SLC29A4: variants seen among roughly 807,000 people sequenced by gnomAD.
SLC29A4 encodes solute carrier family 29 member 4.
SLC29A4 carries 36 observed loss-of-function variants against 43.9 expected under a neutral mutation model. The observed-to-expected ratio is 0.82, with a 90% confidence interval of 0.63 to 1.08. The LOEUF (loss-of-function observed/expected upper bound fraction) is 1.08, where lower values mean the gene tolerates loss of function less well. SLC29A4 is among the 50% of genes least tolerant of loss of function. The pLI, the probability that SLC29A4 is intolerant of heterozygous loss-of-function variation, is 0.00. For missense variants in SLC29A4, 869 were observed against 755.3 expected (o/e 1.15, Z -1.77); for synonymous variants, 491 against 338.0 (o/e 1.45, Z -4.97).
In SLC29A4 at chr7:5,291,132, A is replaced by G. The variant is rs549204893; in HGVS notation, c.310A>G (p.Ile104Val). 9.3e-6 allele frequency: 15 copies of G among 1,613,714 alleles called. No homozygotes were observed. In the South Asian group the frequency reaches 1.3e-4, roughly 14 times the overall value. ...TCTCTGGCCCTCTGCAGGGACCTCC[A>G]TCGTGTTTGACATGAGCCTCACCTA... ...YLHHKYPGTSIVFDMSLTYIL... is the reference protein window; with the variant it reads ...YLHHKYPGTSVVFDMSLTYIL... Residue 104 changes from isoleucine (I) to valine (V), a missense_variant, in exon 4 of 11, where the codon ATC becomes GTC. By Grantham distance (29) the Ile-to-Val change is conservative. Coordinates refer to ENST00000396872, the MANE Select transcript of SLC29A4 (RefSeq NM_153247.4).
At chr7:5,284,037 C>CT (rs1002616436) in intron 1 of SLC29A4, among the ~76,000 whole-genome samples, 4 of 101,162 alleles carry the variant, frequency 4.0e-5, no homozygotes, top group African/African-American at 6.7e-5. Context: ...GCACGACCCC[C>CT]CCCCCCACCC....
At chr7:5,297,527 A>G (rs1357845601) in intron 7 of SLC29A4, among the ~76,000 whole-genome samples, 4 of 152,090 alleles carry the variant, frequency 2.6e-5, no homozygotes, top group African/African-American at 9.7e-5. Flanking sequence ...TAAAGTTTCC[A>G]TCCCTGGGAC....
At position 5,299,141 on chromosome 7, in the gene SLC29A4, T is replaced by A; in HGVS notation, c.1021+15T>A. 1 of 1,603,168 alleles carries A rather than the reference T, an allele frequency of 6.2e-7. No individual in the cohort carries two copies. The highest frequency in any genetic ancestry group is 8.5e-7 in the Non-Finnish European group (1 of 1,173,990). ...CACCTTCAGAGGTGAGTGCGGGGAG[T>A]CCTCTGCTGCCCTGGCTCTGGCACC... On this transcript the variant is annotated intron_variant, in intron 8 of 10. Transcript: ENST00000396872.
At position 5,300,542 on chromosome 7, in the gene SLC29A4, C is replaced by T. The variant is rs746420671; in HGVS notation, c.1330C>T (p.Arg444Cys). The change falls in exon 10 of 11, where the codon CGT (arginine) becomes TGT (cysteine). Residue 444 changes from arginine to cysteine, a missense_variant. Coordinates refer to ENST00000396872, the MANE Select transcript of SLC29A4 (RefSeq NM_153247.4). ...CVYPSGMPALRHPAWPCIFSL... is the reference protein window; with the variant it reads ...CVYPSGMPALCHPAWPCIFSL... ...CTACCCCAGCGGCATGCCCGCCCTC[C>T]GTCACCCCGCCTGGCCCTGCATCTT... 4.3e-6 allele frequency: 7 copies of T among 1,612,254 alleles called. No individual in the cohort carries two copies. The highest frequency in any genetic ancestry group is 2.2e-5 in the East Asian group (1 of 44,892).
intron 6 of SLC29A4, among the ~76,000 whole-genome samples, chr7:5,296,434 T>C (rs1030342508): frequency 9.5e-5 from 14 of 147,280 alleles, no homozygotes; most frequent in African/African-American, 1.3e-4. Context: ...GCAGCTCCTC[T>C]TGTGGCTGGG....
In SLC29A4 at chr7:5,291,678, C is replaced by T. The variant is rs1335153467; in HGVS notation, c.416-15C>T. 3.8e-6 allele frequency: 6 copies of T among 1,591,462 alleles called. No individual in the cohort carries two copies. Among genetic ancestry groups the T allele is most frequent in the Middle Eastern group, 2.3e-4 (1 of 4,346 alleles). On this transcript the variant is annotated splice_polypyrimidine_tract_variant and intron_variant, in intron 4 of 10. Transcript: ENST00000396872. ...TTGGCTCCACCACTCCCCTCACTAG[C>T]CTCTCCCCCAACAGGCTACCTCTTA...
In SLC29A4 at chr7:5,306,614, G is replaced by T. The variant is rs1480930969; in HGVS notation, c.*3675G>T. The T allele has an allele frequency of 2.0e-5, 3 of 152,116 alleles. No homozygotes were observed. In the East Asian group the frequency reaches 5.8e-4, roughly 29 times the overall value. 9.4% of individuals were successfully genotyped at this position (152,116 alleles called of 1,614,324 possible). On this transcript the variant is annotated 3_prime_UTR_variant, in exon 11 of 11. Coordinates refer to ENST00000396872, the MANE Select transcript of SLC29A4 (RefSeq NM_153247.4). ...CTCCCAAAGTGCTGGCATTACAGGC[G>T]TGAGCCACTGTGCCCAGCCGATGAG...
At chr7:5,285,769 T>C (rs1325419066) in intron 1 of SLC29A4, among the ~76,000 whole-genome samples, 3 of 152,144 alleles carry the variant, frequency 2.0e-5, no homozygotes, top group Non-Finnish European at 2.9e-5. Flanking sequence ...CCCAGCACTT[T>C]GGGAGGCCAA....
intron 8 of SLC29A4, 44 bp from the exon 9 acceptor site, chr7:5,299,196 G>A: frequency 6.3e-7 from 1 of 1,598,848 alleles, no homozygotes; most frequent in Non-Finnish European, 8.5e-7. Flanking sequence ...GCAGGCAGGG[G>A]TCCCCGTGGG....
At chr7:5,293,589 C>A (rs373197585) in intron 5 of SLC29A4, among the ~76,000 whole-genome samples, 3 of 152,274 alleles carry the variant, frequency 2.0e-5, no homozygotes, top group South Asian at 4.1e-4. Flanking sequence ...CCTTCGTGAA[C>A]TAATACTCCC....
At chr7:5,283,769 C>T (rs191568694) in intron 1 of SLC29A4, among the ~76,000 whole-genome samples, 61 of 152,302 alleles carry the variant, frequency 4.0e-4, no homozygotes, top group African/African-American at 1.4e-3. Context: ...TAACGGGGAC[C>T]AGGGGTGTAC....
chr7:5,303,242 C>G lies in SLC29A4; in HGVS notation c.*303C>G. On this transcript the variant is annotated 3_prime_UTR_variant, in exon 11 of 11. Coordinates refer to ENST00000396872, the MANE Select transcript of SLC29A4 (RefSeq NM_153247.4). Reference sequence around the variant, plus strand: ...GGCCCCGGCTCCAGCCCAGCCAGCACTCTGCAGGGTCACACGCACCGTGTC... The same window carrying G: ...GGCCCCGGCTCCAGCCCAGCCAGCAGTCTGCAGGGTCACACGCACCGTGTC... 2.0e-6 allele frequency: 1 copy of G among 494,440 alleles called. No homozygotes were observed. The highest frequency in any genetic ancestry group is 3.7e-6 in the Non-Finnish European group (1 of 273,350). 30.6% of individuals were successfully genotyped at this position (494,440 alleles called of 1,614,324 possible). A position where few individuals can be genotyped will look rare whatever the true frequency, so the allele number is the denominator to read the frequency against.
In SLC29A4 at chr7:5,297,240, TTCTCTGTCCC is replaced by T. The variant is rs747073855; in HGVS notation, c.882+43_882+52del. 21 of 1,396,808 alleles carry T rather than the reference TTCTCTGTCCC, an allele frequency of 1.5e-5. No homozygotes were observed. In the South Asian group the frequency reaches 2.7e-4, roughly 18 times the overall value. 86.5% of individuals were successfully genotyped at this position (1,396,808 alleles called of 1,614,324 possible). On this transcript the variant is annotated intron_variant, in intron 7 of 10. Coordinates refer to ENST00000396872, the MANE Select transcript of SLC29A4 (RefSeq NM_153247.4). ...CACCTCTGTTCCCTTCTCTGTCCCC[TTCTCTGTCCC>T]CACCGCTTCGTCGGGAAGTACCTGG... is the stretch of plus-strand genomic sequence containing the variant.
intron 7 of SLC29A4, 44 bp downstream of exon 7, chr7:5,297,242 C>G (rs778622490): frequency 1.6e-5 from 23 of 1,436,594 alleles, no homozygotes; most frequent in Non-Finnish European, 2.1e-5. Context: ...CTGTCCCCTT[C>G]TCTGTCCCCA....
At chr7:5,285,754 A>AT (rs1373232463) in intron 1 of SLC29A4, among the ~76,000 whole-genome samples, 1 of 152,200 alleles carries the variant, frequency 6.6e-6, no homozygotes, top group Non-Finnish European at 1.5e-5. Flanking sequence ...GCTCATGCCT[A>AT]TAATCCCAGC....
At chr7:5,301,104 T>C (rs1408980684) in intron 10 of SLC29A4, among the ~76,000 whole-genome samples, 1 of 151,814 alleles carries the variant, frequency 6.6e-6, no homozygotes, top group Admixed American at 6.6e-5. Flanking sequence ...TCTACAAAAA[T>C]GTTTAAAAAA....
At chr7:5,298,643 C>T (rs569358234) in intron 7 of SLC29A4, among the ~76,000 whole-genome samples, 1 of 152,078 alleles carries the variant, frequency 6.6e-6, no homozygotes, top group African/African-American at 2.4e-5. Flanking sequence ...AAGAAAACGG[C>T]AAAAAAGATT....
intron 2 of SLC29A4, among the ~76,000 whole-genome samples, chr7:5,289,330 G>A: frequency 6.6e-6 from 1 of 152,194 alleles, no homozygotes; most frequent in East Asian, 1.9e-4. Flanking sequence ...CCAGGAGGGG[G>A]TGGTCGTAGT....
At chr7:5,293,988 C>G (rs1313681726) in intron 5 of SLC29A4, among the ~76,000 whole-genome samples, 1 of 152,054 alleles carries the variant, frequency 6.6e-6, no homozygotes, top group Non-Finnish European at 1.5e-5. Flanking sequence ...TGCCTGTAAT[C>G]CCAGTTACTC....
Sources: allele counts gnomAD v4.1 joint callset (sites outside exome capture counted in the v4.1 genomes callset), GRCh38; gene constraint gnomAD v4.1.1; transcripts MANE v1.5; gene names NCBI Gene and HGNC (gene_info 2026-07-23, HGNC 2026-07-21).